The following UNC5D variants were observed in gnomAD, a reference collection of about 807,000 sequenced individuals.
UNC5D encodes netrin receptor UNC5D.
Under a neutral mutation model 105.4 loss-of-function variants are expected in UNC5D, and 39 were observed. The ratio of observed to expected loss-of-function variants is 0.37; its 90% CI spans 0.29 to 0.48. The LOEUF is 0.48. Ranked by LOEUF, UNC5D falls within the 20% of genes least tolerant of loss-of-function variation. The pLI is 0.98. For synonymous variants in UNC5D, 452 were observed against 450.4 expected (o/e 1.00, Z -0.04); for missense variants, 991 against 1,202.4 (o/e 0.82, Z 2.60).
At chr8:35,650,882 A>G (rs13250548) in intron 4 of UNC5D, among the ~76,000 whole-genome samples, 18,830 of 152,220 alleles carry the variant, frequency 0.12, 1,448 homozygotes, top group East Asian at 0.24. Flanking sequence ...ATGGTTTTCA[A>G]TGAGAATGAG....
At chr8:35,750,485 T>C in intron 12 of UNC5D, 97 bp from the exon 13 acceptor site, 1 of 1,305,764 alleles carries the variant, frequency 7.7e-7, no homozygotes, top group South Asian at 1.3e-5. Context: ...TGAAAACAAA[T>C]TTATATTTGT....
At chr8:35,451,223 A>G (rs1009608681) in intron 1 of UNC5D, among the ~76,000 whole-genome samples, 20 of 151,942 alleles carry the variant, frequency 1.3e-4, no homozygotes, top group Admixed American at 9.8e-4. Context: ...TTGTATTGTT[A>G]GTAGAGATAG....
intron 1 of UNC5D, among the ~76,000 whole-genome samples, chr8:35,356,580 G>A (rs1331037897): frequency 6.6e-6 from 1 of 151,980 alleles, no homozygotes; most frequent in Non-Finnish European, 1.5e-5. Flanking sequence ...TTCATGGATG[G>A]AAGATGTATT....
chr8:35,555,197 C>A (rs567587754), intron 2 of UNC5D, among the ~76,000 whole-genome samples: 1 of 152,226 alleles, frequency 6.6e-6, no homozygotes, highest in South Asian at 2.1e-4. Context: ...TTTATGGAAG[C>A]CTTCTCCCTC....
chr8:35,248,087 T>A (rs1198674588), intron 1 of UNC5D, among the ~76,000 whole-genome samples: 45 of 71,886 alleles, frequency 6.3e-4, no homozygotes, highest in African/African-American at 2.6e-3. Context: ...AAAAATATAA[T>A]ATATAAATAT....
chr8:35,358,716 C>G (rs1395283889), intron 1 of UNC5D, among the ~76,000 whole-genome samples: 2 of 152,180 alleles, frequency 1.3e-5, no homozygotes, highest in African/African-American at 4.8e-5. Flanking sequence ...ATCCCTCCTT[C>G]AAGGAGTGTT....
At chr8:35,421,616 TTTA>T (rs1805905944) in intron 1 of UNC5D, among the ~76,000 whole-genome samples, 2 of 152,188 alleles carry the variant, frequency 1.3e-5, no homozygotes, top group Non-Finnish European at 2.9e-5. Context: ...ATTGCATTCT[TTTA>T]TTATGAGCAT....
intron 1 of UNC5D, among the ~76,000 whole-genome samples, chr8:35,263,043 C>T (rs562722062): frequency 6.6e-6 from 1 of 152,140 alleles, no homozygotes; most frequent in Non-Finnish European, 1.5e-5. Flanking sequence ...CACCACTGTC[C>T]ACTCAGTACT....
chr8:35,441,984 A>G (rs535551835), intron 1 of UNC5D, among the ~76,000 whole-genome samples: 1 of 151,898 alleles, frequency 6.6e-6, no homozygotes, highest in African/African-American at 2.4e-5. Context: ...TTTTAGCACT[A>G]TCTATATTCC....
chr8:35,770,108 G>A (rs1308111556), intron 15 of UNC5D, among the ~76,000 whole-genome samples: 2 of 152,140 alleles, frequency 1.3e-5, no homozygotes, highest in Non-Finnish European at 2.9e-5. Flanking sequence ...CTCTATTGGT[G>A]AGTTAGGAAT....
At chr8:35,586,893 T>C (rs1017948721) in intron 3 of UNC5D, among the ~76,000 whole-genome samples, 2 of 152,220 alleles carry the variant, frequency 1.3e-5, no homozygotes, top group Non-Finnish European at 2.9e-5. Flanking sequence ...AGAACTATTA[T>C]TTGGAATTGA....
intron 4 of UNC5D, among the ~76,000 whole-genome samples, chr8:35,676,649 G>A (rs991132084): frequency 6.6e-6 from 1 of 152,180 alleles, no homozygotes. Context: ...TATCATACCT[G>A]CAGAATATTG....
intron 1 of UNC5D, among the ~76,000 whole-genome samples, chr8:35,530,255 AG>A (rs1201505411): frequency 7.1e-6 from 1 of 140,980 alleles, no homozygotes; most frequent in Non-Finnish European, 1.5e-5. Flanking sequence ...TTTAGCATGA[AG>A]GGTTGTTGAA....
At position 35,684,710 on chromosome 8, in the gene UNC5D, A is replaced by G. The variant is rs1782188950; in HGVS notation, c.880A>G (p.Met294Val). The change falls in exon 6 of 17, where the codon ATG becomes GTG. Residue 294 changes from methionine (M) to valine (V), a missense_variant. Physicochemically the swap from Met to Val is conservative, Grantham distance 21. Transcript: ENST00000404895. ...PLNGGAFCEGMSVQKITCTSL... is the reference protein window; with the variant it reads ...PLNGGAFCEGVSVQKITCTSL... ...CAATGGTGGGGCCTTTTGTGAGGGA[A>G]TGTCAGTGCAGAAAATAACCTGCAC... is the stretch of plus-strand genomic sequence containing the variant. 2 of 1,613,720 alleles carry G rather than the reference A, an allele frequency of 1.2e-6. No homozygotes were observed. Among genetic ancestry groups the G allele is most frequent in the African/African-American group, 1.3e-5 (1 of 74,898 alleles).
At chr8:35,659,593 T>A (rs1449670987) in intron 4 of UNC5D, among the ~76,000 whole-genome samples, 1 of 152,218 alleles carries the variant, frequency 6.6e-6, no homozygotes, top group African/African-American at 2.4e-5. Flanking sequence ...GGTTAATTTG[T>A]GCAAGCACAC....
At chr8:35,433,755 A>C (rs1434121683) in intron 1 of UNC5D, among the ~76,000 whole-genome samples, 1 of 151,694 alleles carries the variant, frequency 6.6e-6, no homozygotes, top group African/African-American at 2.4e-5. Context: ...AGGCTGAGGC[A>C]GGAGAATTGC....
At chr8:35,264,105 G>C (rs149770471) in intron 1 of UNC5D, among the ~76,000 whole-genome samples, 1 of 152,180 alleles carries the variant, frequency 6.6e-6, no homozygotes, top group African/African-American at 2.4e-5. Flanking sequence ...TTTGTGATTT[G>C]TAAGATAAAG....
intron 1 of UNC5D, among the ~76,000 whole-genome samples, chr8:35,503,994 C>A (rs1220800628): frequency 3.9e-5 from 6 of 152,138 alleles, no homozygotes; most frequent in African/African-American, 1.4e-4. Context: ...CGCTTTTAAC[C>A]CTTGAAATGG....
intron 1 of UNC5D, among the ~76,000 whole-genome samples, chr8:35,536,424 T>C (rs535514692): frequency 5.9e-5 from 9 of 152,356 alleles, no homozygotes; most frequent in African/African-American, 2.2e-4. Flanking sequence ...AGAAGGACTT[T>C]GTTGTAAAAA....
Sources: gnomAD v4.1 joint callset for allele counts (sites outside exome capture counted in the v4.1 genomes callset) on GRCh38, gnomAD v4.1.1 for gene constraint, MANE v1.5 for transcripts, NCBI Gene and HGNC (gene_info 2026-07-23, HGNC 2026-07-21) for gene names.